The following TNNC2 variants were observed in gnomAD, a reference collection of about 807,000 sequenced individuals.
TNNC2 encodes the protein troponin C, skeletal muscle.
TNNC2 carries 14 observed loss-of-function variants against 20.0 expected under a neutral mutation model. The ratio of observed to expected loss-of-function variants is 0.70; its 90% CI spans 0.46 to 1.09. The LOEUF is 1.09. Ranked by LOEUF, TNNC2 falls within the 50% of genes least tolerant of loss-of-function variation. TNNC2 has a pLI of 0.00. For synonymous variants in TNNC2, 81 were observed against 77.3 expected (o/e 1.05, Z -0.25); for missense variants, 163 against 223.8 (o/e 0.73, Z 1.73).
chr20:45,830,504 TC>T (rs1220684900), upstream of TNNC2, among the ~76,000 whole-genome samples: 1 of 152,116 alleles, frequency 6.6e-6, no homozygotes, highest in African/African-American at 2.4e-5. Flanking sequence ...CGGGGATCCT[TC>T]CCCCACTGTG....
chr20:45,826,306 C>A (rs371249309), intron 1 of TNNC2, among the ~76,000 whole-genome samples: 1 of 152,224 alleles, frequency 6.6e-6, no homozygotes, highest in Admixed American at 6.5e-5. Flanking sequence ...GACACATCAT[C>A]CCGCCCCTCA....
upstream of TNNC2, among the ~76,000 whole-genome samples, chr20:45,830,057 G>A (rs1051032695): frequency 3.3e-5 from 5 of 151,780 alleles, no homozygotes; most frequent in Non-Finnish European, 7.4e-5. Context: ...GCTCTAGGCT[G>A]GGCACGGTGG....
At chr20:45,824,740 A>T in intron 2 of TNNC2, 43 bp downstream of exon 2, 1 of 906,592 alleles carries the variant, frequency 1.1e-6, no homozygotes, top group Non-Finnish European at 1.5e-6. Context: ...ACATGTCCCC[A>T]GCATACATCC....
upstream of TNNC2, among the ~76,000 whole-genome samples, chr20:45,831,918 G>C (rs1253002954): frequency 6.6e-6 from 1 of 152,230 alleles, no homozygotes; most frequent in African/African-American, 2.4e-5. Context: ...TTTAACCAAT[G>C]GTTGGTGAAT....
At chr20:45,827,473 C>T, upstream of TNNC2, 1 of 585,500 alleles carries the variant, frequency 1.7e-6, no homozygotes, top group Non-Finnish European at 3.0e-6. Flanking sequence ...AGGGCCCTTG[C>T]AGAGAAATTT....
At chr20:45,825,259 G>C (rs1224621904) in intron 1 of TNNC2, among the ~76,000 whole-genome samples, 1 of 152,066 alleles carries the variant, frequency 6.6e-6, no homozygotes, top group Non-Finnish European at 1.5e-5. Context: ...TTACAGGCTT[G>C]AGCCACTGTG....
intron 2 of TNNC2, among the ~76,000 whole-genome samples, chr20:45,832,958 A>T (rs1184616024): frequency 3.3e-5 from 5 of 152,242 alleles, no homozygotes; most frequent in African/African-American, 7.2e-5. Context: ...CCTGGGCAAC[A>T]TGGCCAAATC....
At chr20:45,829,471 T>C (rs957586829), upstream of TNNC2, among the ~76,000 whole-genome samples, 1 of 151,804 alleles carries the variant, frequency 6.6e-6, no homozygotes, top group Admixed American at 6.6e-5. Context: ...GCAAATTTTT[T>C]ACTTTTTGTA....
At chr20:45,829,999 T>TCCCTCCACATCATGTTGCTGTCTG (rs1983071198), upstream of TNNC2, among the ~76,000 whole-genome samples, 1 of 151,448 alleles carries the variant, frequency 6.6e-6, no homozygotes, top group Non-Finnish European at 1.5e-5. Context: ...TCTCACTCCT[T>TCCCTCCACATCATGTTGCTGTCTG]CCCTCCACAT....
intron 2 of TNNC2, among the ~76,000 whole-genome samples, chr20:45,832,495 C>T (rs1308447351): frequency 1.3e-5 from 2 of 152,072 alleles, no homozygotes; most frequent in African/African-American, 4.8e-5. Flanking sequence ...AGAGATGTGA[C>T]AGTAAAGTGC....
chr20:45,826,261 A>G (rs1431666337), intron 1 of TNNC2, among the ~76,000 whole-genome samples: 1 of 152,252 alleles, frequency 6.6e-6, no homozygotes, highest in African/African-American at 2.4e-5. Flanking sequence ...GTCAGGCCAC[A>G]GATCAGGCAC....
chr20:45,823,225 T>C lies in TNNC2; in HGVS notation c.*123A>G, dbSNP rs1982852818. The C allele has an allele frequency of 1.1e-6, 1 of 948,174 alleles. No individual in the cohort carries two copies. Among genetic ancestry groups the C allele is most frequent in the Non-Finnish European group, 1.5e-6 (1 of 675,254 alleles). The allele number at this position is 948,174 out of a possible 1,614,324, so 58.7% of individuals were successfully genotyped here. On this transcript the variant is annotated 3_prime_UTR_variant, in exon 6 of 6. Transcript: ENST00000372555. The surrounding 1 kb of genome is among the most constrained non-coding windows in gnomAD (Gnocchi z 4.6). Reference sequence around the variant, plus strand: ...ATTCAGGCCACGAGTTTTGGAACATTTGCTTTTATTCCTTCCAGACAAAGA... The same window carrying C: ...ATTCAGGCCACGAGTTTTGGAACATCTGCTTTTATTCCTTCCAGACAAAGA...
Position 45,825,591 on chromosome 20 carries a change from C to G in TNNC2, c.4-757G>C, listed in dbSNP as rs115278506. Among the ~76,000 whole-genome samples, 763 of 152,124 alleles carry G rather than the reference C, an allele frequency of 5.0e-3. 14 individuals carry two copies. Among genetic ancestry groups the G allele is most frequent in the African/African-American group, 0.018 (742 of 41,514 alleles). On this transcript the variant is annotated intron_variant, in intron 1 of 5. Coordinates refer to ENST00000372555, the MANE Select transcript of TNNC2 (RefSeq NM_003279.3). ...ACAGGCGTGAGCCACCATGCCCGGC[C>G]TGACCCCAGTTTTTTTTGTTTGTTT...
chr20:45,829,595 C>G (rs963375516), upstream of TNNC2, among the ~76,000 whole-genome samples: 2 of 151,250 alleles, frequency 1.3e-5, no homozygotes, highest in African/African-American at 4.9e-5. Context: ...CTGGCTAACA[C>G]AGTGAAACCC....
chr20:45,830,576 C>T (rs949093645), upstream of TNNC2, among the ~76,000 whole-genome samples: 1 of 152,202 alleles, frequency 6.6e-6, no homozygotes, highest in Non-Finnish European at 1.5e-5. Context: ...ACTGAGCATA[C>T]CTTATGCTCA....
Position 45,823,408 on chromosome 20 carries a change from G to T in TNNC2, c.452-29C>A, listed in dbSNP as rs372835328. 11 of 1,583,986 alleles carry T rather than the reference G, an allele frequency of 6.9e-6. No individual in the cohort carries two copies. The highest frequency in any genetic ancestry group is 9.4e-6 in the Non-Finnish European group (11 of 1,165,428). ...AGGGAAAGGAGAGGGAGAGGGTCAGGGGTCCCACTGGGGACGCAGAGGCCA... is the reference window on the plus strand; with the variant it reads ...AGGGAAAGGAGAGGGAGAGGGTCAGTGGTCCCACTGGGGACGCAGAGGCCA... On this transcript the variant is annotated intron_variant, in intron 5 of 5. Transcript: ENST00000372555. This position sits in a 1 kb window ranked among gnomAD's most constrained non-coding sequence, Gnocchi z 4.6.
intron 2 of TNNC2, among the ~76,000 whole-genome samples, chr20:45,832,440 C>T (rs1171206508): frequency 6.6e-6 from 1 of 152,166 alleles, no homozygotes; most frequent in East Asian, 1.9e-4. Context: ...TGAAAATGGA[C>T]CATTAATGTC....
chr20:45,830,346 A>G (rs1224077474), upstream of TNNC2, among the ~76,000 whole-genome samples: 1 of 151,324 alleles, frequency 6.6e-6, no homozygotes, highest in Non-Finnish European at 1.5e-5. Context: ...AAAAAAAAAA[A>G]AAAAAAAAAA....
At chr20:45,824,226 T>C in intron 4 of TNNC2, 66 bp downstream of exon 4, 1 of 1,601,144 alleles carries the variant, frequency 6.2e-7, no homozygotes, top group South Asian at 1.1e-5. Flanking sequence ...ACGGGGAAGC[T>C]TCCAGCGCTG....
Sources: gnomAD v4.1 joint callset for allele counts (sites outside exome capture counted in the v4.1 genomes callset) on GRCh38, gnomAD v4.1.1 for gene constraint, Gnocchi (gnomAD v3.1) non-coding constraint, MANE v1.5 for transcripts, NCBI Gene and HGNC (gene_info 2026-07-23, HGNC 2026-07-21) for gene names.